Variants in MYO5B observed in about 807,000 individuals in gnomAD.
MYO5B encodes the protein unconventional myosin-Vb.
A neutral mutation model predicts 229.3 loss-of-function variants in MYO5B; 143 were observed. The ratio of observed to expected loss-of-function variants is 0.62; its 90% CI spans 0.54 to 0.72. The LOEUF (loss-of-function observed/expected upper bound fraction) is 0.72. MYO5B is among the 30% of genes least tolerant of loss of function. The pLI is 0.00. For synonymous variants in MYO5B, 918 were observed against 885.2 expected, an observed-to-expected ratio of 1.04 and a Z score of -0.66; for missense variants, 2,321 against 2,331.0, an observed-to-expected ratio of 1.00 and a Z score of 0.09.
chr18:50,000,468 G>T (rs912486406), intron 5 of MYO5B, among the ~76,000 whole-genome samples: 1 of 152,198 alleles, frequency 6.6e-6, no homozygotes, highest in Non-Finnish European at 1.5e-5. Context: ...TAGCTTCAAA[G>T]GTGGGGAATG....
intron 4 of MYO5B, among the ~76,000 whole-genome samples, chr18:50,019,667 T>A (rs4939613): frequency 0.86 from 130,986 of 152,202 alleles, 58,264 homozygotes; most frequent in East Asian, 1. Context: ...GGTCTAATAC[T>A]GGCCCAGGGA....
At chr18:49,879,301 G>A in intron 23 of MYO5B, 1 of 601,806 alleles carries the variant, frequency 1.7e-6, no homozygotes, top group Non-Finnish European at 2.9e-6. Flanking sequence ...GAAAGACCCT[G>A]CTCTCAGGGA....
chr18:49,960,179 A>G (rs957550995), intron 12 of MYO5B, among the ~76,000 whole-genome samples: 1 of 152,040 alleles, frequency 6.6e-6, no homozygotes, highest in African/African-American at 2.4e-5. Context: ...AAGAAAAGTG[A>G]TTTTCCCACA....
chr18:49,837,642 C>G lies in MYO5B; in HGVS notation c.5013G>C (p.Gln1671His). The change falls in exon 37 of 40, where the codon CAG becomes CAC. Residue 1671 changes from glutamine (Q) to histidine (H), a missense_variant. Gln to His is a conservative substitution (Grantham distance 24). Transcript: ENST00000285039. ...GCAGGATGATCTCAGGGTCCAAGCCCTGGTCACACATGACTGTATGAAAGG... is the reference window on the plus strand; with the variant it reads ...GCAGGATGATCTCAGGGTCCAAGCCGTGGTCACACATGACTGTATGAAAGG... ...MNAFHTVMCD[Q>H]GLDPEIILQV... is the part of the protein sequence containing the mutation. 1 of 1,614,016 alleles carries G rather than the reference C, an allele frequency of 6.2e-7. No individual in the cohort carries two copies. The highest frequency in any genetic ancestry group is 8.5e-7 in the Non-Finnish European group (1 of 1,179,882).
intron 1 of MYO5B, among the ~76,000 whole-genome samples, chr18:50,174,998 C>T (rs11082808): frequency 0.36 from 55,155 of 151,986 alleles, 11,213 homozygotes; most frequent in Non-Finnish European, 0.46. Flanking sequence ...CATCTTGGAT[C>T]TGTCGTTAAT....
At chr18:50,006,484 C>T (rs935997854) in intron 4 of MYO5B, among the ~76,000 whole-genome samples, 5 of 152,208 alleles carry the variant, frequency 3.3e-5, no homozygotes, top group Non-Finnish European at 7.3e-5. Context: ...AGGACTCAGA[C>T]AAGAGTACAG....
intron 1 of MYO5B, among the ~76,000 whole-genome samples, chr18:50,184,190 G>A (rs1323775760): frequency 1.3e-5 from 2 of 152,180 alleles, no homozygotes; most frequent in African/African-American, 4.8e-5. Flanking sequence ...CCAAAAGCAG[G>A]GGTTCTGCCT....
chr18:49,916,469 G>A (rs28474852), intron 17 of MYO5B, among the ~76,000 whole-genome samples: 66 of 152,362 alleles, frequency 4.3e-4, no homozygotes, highest in African/African-American at 1.6e-3. Flanking sequence ...TTAGTAGCCA[G>A]GGAGTTCAGG....
intron 1 of MYO5B, among the ~76,000 whole-genome samples, chr18:50,139,054 T>C (rs1292908684): frequency 6.6e-6 from 1 of 152,274 alleles, no homozygotes; most frequent in Non-Finnish European, 1.5e-5. Flanking sequence ...AACTTATTTA[T>C]AATGCAACAA....
intron 1 of MYO5B, among the ~76,000 whole-genome samples, chr18:50,191,452 T>G (rs1277155042): frequency 1.3e-5 from 2 of 152,200 alleles, no homozygotes; most frequent in Non-Finnish European, 2.9e-5. Flanking sequence ...GACACCAGTT[T>G]TGTACATCTC....
In MYO5B at chr18:50,055,350, T is replaced by A; in HGVS notation, c.56A>T (p.Asp19Val). Reference sequence around the variant, plus strand: ...TAACTCAGCTGAGCGCCATACCTCATCAGGGTCAGGGATCCAGACCCTTGT... The same window carrying A: ...TAACTCAGCTGAGCGCCATACCTCAACAGGGTCAGGGATCCAGACCCTTGT... ...QCTRVWIPDP[D>V]EVWRSAELTK... The change falls in exon 2 of 40, where the codon GAT (aspartate) becomes GTT (valine). Residue 19 changes from aspartate to valine, a missense_variant. Physicochemically the swap from Asp to Val is radical, Grantham distance 152 (BLOSUM62 -3). Coordinates refer to ENST00000285039, the MANE Select transcript of MYO5B (RefSeq NM_001080467.3). 1 of 1,611,600 alleles carries A rather than the reference T, an allele frequency of 6.2e-7. No individual in the cohort carries two copies. The highest frequency in any genetic ancestry group is 2.2e-5 in the East Asian group (1 of 44,704).
chr18:49,920,417 A>G (rs1055058693), intron 17 of MYO5B, among the ~76,000 whole-genome samples: 9 of 152,146 alleles, frequency 5.9e-5, no homozygotes, highest in Non-Finnish European at 1.2e-4. Context: ...TCCAGTGCAA[A>G]GGTTGTCACA....
chr18:49,895,357 T>A (rs1344843278), intron 21 of MYO5B, among the ~76,000 whole-genome samples, 183 bp from the exon 22 acceptor site: 1 of 152,032 alleles, frequency 6.6e-6, no homozygotes, highest in Non-Finnish European at 1.5e-5. Flanking sequence ...AATGTAAACT[T>A]ACAGAAATAG....
intron 22 of MYO5B, among the ~76,000 whole-genome samples, chr18:49,881,081 G>C (rs975273739): frequency 6.6e-6 from 1 of 152,196 alleles, no homozygotes; most frequent in African/African-American, 2.4e-5. Context: ...TTTACTGGAA[G>C]CAAGGAGCCC....
At chr18:50,004,994 A>G (rs953991240) in intron 4 of MYO5B, among the ~76,000 whole-genome samples, 1 of 152,202 alleles carries the variant, frequency 6.6e-6, no homozygotes, top group Non-Finnish European at 1.5e-5. Context: ...CCTTCAGATC[A>G]TCTCAGTTCA....
chr18:50,085,113 T>G (rs148132768), intron 1 of MYO5B, among the ~76,000 whole-genome samples: 1 of 151,938 alleles, frequency 6.6e-6, no homozygotes, highest in Non-Finnish European at 1.5e-5. Flanking sequence ...AAACTACCAT[T>G]GGAGTGAACA....
At chr18:50,118,583 T>G (rs2032004950) in intron 1 of MYO5B, among the ~76,000 whole-genome samples, 1 of 151,932 alleles carries the variant, frequency 6.6e-6, no homozygotes, top group African/African-American at 2.4e-5. Flanking sequence ...GTGCACAACG[T>G]GCAGGTTTGT....
At chr18:49,880,607 G>A in intron 22 of MYO5B, 152 bp from the exon 23 acceptor site, 1 of 706,346 alleles carries the variant, frequency 1.4e-6, no homozygotes, top group Non-Finnish European at 2.5e-6. Context: ...AGGAAAAATT[G>A]TGTACTGAAA....
rs537553429 is a variant in MYO5B at position 49,961,449 on chromosome 18, A to G, written c.1545+817T>C. On this transcript the variant is annotated intron_variant, in intron 12 of 39. Coordinates refer to ENST00000285039, the MANE Select transcript of MYO5B (RefSeq NM_001080467.3). ...AAACTAGGAGAGCCCTTCTGAAAGG[A>G]AACACTTCCTACCAAACCATCAAGC... Among the ~76,000 whole-genome samples the G allele has an allele frequency of 7.6e-4, 116 of 152,384 alleles. 1 individual carries two copies. Among genetic ancestry groups the G allele is most frequent in the African/African-American group, 2.7e-3 (114 of 41,598 alleles).
Sources: allele counts gnomAD v4.1 joint callset (sites outside exome capture counted in the v4.1 genomes callset), GRCh38; gene constraint gnomAD v4.1.1; transcripts MANE v1.5; gene names NCBI Gene and HGNC (gene_info 2026-07-23, HGNC 2026-07-21).